Variants in ATP8A2 observed in about 807,000 individuals in gnomAD.
ATP8A2 encodes ATPase phospholipid transporting 8A2.
A neutral mutation model predicts 165.6 loss-of-function variants in ATP8A2; 100 were observed. That is an observed-to-expected ratio of 0.60 (90% CI 0.51 to 0.71). The LOEUF is 0.71. Among genes scored for constraint, ATP8A2 ranks in the 30% least tolerant of loss-of-function variants. The pLI, the probability that ATP8A2 is intolerant of heterozygous loss-of-function variation, is 0.00. For synonymous variants in ATP8A2, 543 were observed against 548.8 expected (o/e 0.99, Z 0.15); for missense variants, 1,227 against 1,479.5 (o/e 0.83, Z 2.80).
At chr13:25,597,514 G>T (rs947759755) in intron 24 of ATP8A2, among the ~76,000 whole-genome samples, 59 of 152,342 alleles carry the variant, frequency 3.9e-4, no homozygotes, top group African/African-American at 1.4e-3. Flanking sequence ...AGAAATTGCA[G>T]ACAGCCTCTA....
At chr13:25,577,828 G>A (rs1388570112) in intron 20 of ATP8A2, among the ~76,000 whole-genome samples, 4 of 152,186 alleles carry the variant, frequency 2.6e-5, no homozygotes, top group Admixed American at 2.0e-4. Context: ...GCTCTCCTAG[G>A]ATTAATTAGT....
chr13:25,440,353 G>A (rs1434463851), intron 1 of ATP8A2, among the ~76,000 whole-genome samples: 1 of 152,018 alleles, frequency 6.6e-6, no homozygotes, highest in East Asian at 1.9e-4. Context: ...TAATTTGGTA[G>A]GTGAAAGTCC....
At chr13:25,917,532 G>T (rs1954303947) in intron 33 of ATP8A2, among the ~76,000 whole-genome samples, 1 of 152,230 alleles carries the variant, frequency 6.6e-6, no homozygotes. Flanking sequence ...TCTACCCAGT[G>T]TCACAGAGAT....
At chr13:25,719,546 C>T (rs1377662774) in intron 25 of ATP8A2, among the ~76,000 whole-genome samples, 1 of 152,062 alleles carries the variant, frequency 6.6e-6, no homozygotes, top group Non-Finnish European at 1.5e-5. Context: ...ATTCCCAGAA[C>T]ATTTGTTACT....
intron 24 of ATP8A2, among the ~76,000 whole-genome samples, chr13:25,615,797 C>T (rs1041109079): frequency 1.3e-5 from 2 of 152,180 alleles, no homozygotes; most frequent in African/African-American, 2.4e-5. Flanking sequence ...GTCAAATCCT[C>T]TTCTCATAAT....
chr13:25,833,010 A>T (rs12869163), intron 28 of ATP8A2, among the ~76,000 whole-genome samples: 26,518 of 152,120 alleles, frequency 0.17, 2,481 homozygotes, highest in Middle Eastern at 0.22. Context: ...TGATAAAGTG[A>T]CCAGATAAAT....
intron 1 of ATP8A2, among the ~76,000 whole-genome samples, chr13:25,454,464 T>C (rs1454306301): frequency 1.3e-5 from 2 of 151,874 alleles, no homozygotes; most frequent in African/African-American, 4.8e-5. Flanking sequence ...GGGGGTGGGA[T>C]TGGGCCCAGA....
intron 35 of ATP8A2, among the ~76,000 whole-genome samples, chr13:25,971,965 C>T (rs1955925462): frequency 6.6e-6 from 1 of 152,242 alleles, no homozygotes; most frequent in South Asian, 2.1e-4. Context: ...TCAGCTCAGT[C>T]CTGACAGCAT....
intron 35 of ATP8A2, among the ~76,000 whole-genome samples, chr13:25,997,665 A>G (rs1454380848): frequency 6.6e-6 from 1 of 151,218 alleles, no homozygotes; most frequent in African/African-American, 2.4e-5. Context: ...CTACTGTTCT[A>G]TTTTTCAGTT....
intron 1 of ATP8A2, among the ~76,000 whole-genome samples, chr13:25,379,439 G>C (rs953352973): frequency 6.6e-6 from 1 of 152,192 alleles, no homozygotes; most frequent in African/African-American, 2.4e-5. Flanking sequence ...GTCATGATAT[G>C]TTAATATCGG....
At chr13:25,892,480 C>G (rs1953398570) in intron 33 of ATP8A2, among the ~76,000 whole-genome samples, 2 of 147,396 alleles carry the variant, frequency 1.4e-5, no homozygotes, top group African/African-American at 2.5e-5. Context: ...GTCTCTCTGT[C>G]TCTCTCTCTC....
chr13:25,735,583 A>G (rs1301577584), intron 25 of ATP8A2, among the ~76,000 whole-genome samples: 1 of 45,862 alleles, frequency 2.2e-5, no homozygotes, highest in Admixed American at 2.4e-4. Context: ...CTTATGTTAG[A>G]AAAAAAAACT....
chr13:25,393,332 A>G (rs1006333111), intron 1 of ATP8A2, among the ~76,000 whole-genome samples: 6 of 151,992 alleles, frequency 3.9e-5, no homozygotes, highest in African/African-American at 1.4e-4. Flanking sequence ...GGATCTCACT[A>G]TGTTGCCCAG....
intron 33 of ATP8A2, among the ~76,000 whole-genome samples, chr13:25,932,533 G>T (rs1355823273): frequency 1.3e-5 from 2 of 152,222 alleles, no homozygotes; most frequent in Admixed American, 1.3e-4. Context: ...ATCAAAGGCT[G>T]CAGGTTTTCT....
chr13:25,998,064 G>C (rs1384854920), intron 35 of ATP8A2, among the ~76,000 whole-genome samples: 1 of 152,216 alleles, frequency 6.6e-6, no homozygotes, highest in African/African-American at 2.4e-5. Context: ...CTCCTGCCGG[G>C]TAGAGGTAAT....
chr13:25,377,495 A>G (rs1174277775), intron 1 of ATP8A2, among the ~76,000 whole-genome samples: 1 of 151,956 alleles, frequency 6.6e-6, no homozygotes, highest in Non-Finnish European at 1.5e-5. Flanking sequence ...GCCTGCATAG[A>G]TCTGTCGTAA....
At chr13:25,554,577 T>C (rs1430200119) in intron 12 of ATP8A2, among the ~76,000 whole-genome samples, 1 of 151,446 alleles carries the variant, frequency 6.6e-6, no homozygotes, top group Non-Finnish European at 1.5e-5. Flanking sequence ...ATTTCTTTTT[T>C]AGATGAAGTC....
chr13:25,395,897 G>A (rs1259378575), intron 1 of ATP8A2, among the ~76,000 whole-genome samples: 1 of 151,908 alleles, frequency 6.6e-6, no homozygotes, highest in Non-Finnish European at 1.5e-5. Context: ...AGGCTGGAGT[G>A]CAGTGGCGCA....
At chr13:25,427,289 CTGA>C (rs2034478856) in intron 1 of ATP8A2, among the ~76,000 whole-genome samples, 1 of 151,800 alleles carries the variant, frequency 6.6e-6, no homozygotes, top group Non-Finnish European at 1.5e-5. Context: ...AATCTAATGC[CTGA>C]TGATCTGTCA....
Sources: allele counts gnomAD v4.1 joint callset (sites outside exome capture counted in the v4.1 genomes callset), GRCh38; gene constraint gnomAD v4.1.1; transcripts MANE v1.5; gene names NCBI Gene and HGNC (gene_info 2026-07-23, HGNC 2026-07-21).